The following MMP16 variants were observed in gnomAD, a reference collection of about 807,000 sequenced individuals.
The protein encoded by MMP16 is matrix metalloproteinase-16.
A neutral mutation model predicts 67.8 loss-of-function variants in MMP16; 12 were observed. The observed-to-expected ratio is 0.18, with a 90% CI of 0.11 to 0.29. The LOEUF (loss-of-function observed/expected upper bound fraction) is 0.29, where lower values mean the gene tolerates loss of function less well. MMP16 is among the 10% of genes least tolerant of loss of function. MMP16 has a pLI of 1.00. For missense variants in MMP16, 475 were observed against 765.7 expected (o/e 0.62, Z 4.48); for synonymous variants, 249 against 255.9 (o/e 0.97, Z 0.26).
chr8:88,306,374 A>G (rs997894416), intron 1 of MMP16, among the ~76,000 whole-genome samples: 10 of 152,102 alleles, frequency 6.6e-5, no homozygotes, highest in Non-Finnish European at 1.2e-4. Flanking sequence ...AACTGGTACC[A>G]TTTCTGCTGA....
rs140697599 is a variant in MMP16, at chr8:88,272,928, T to G, written c.132+54147A>C. Among the ~76,000 whole-genome samples the G allele has an allele frequency of 1.4e-3, 209 of 152,274 alleles. 2 individuals are homozygous for G. Among genetic ancestry groups the G allele is most frequent in the African/African-American group, 4.2e-3 (176 of 41,554 alleles). On this transcript the variant is annotated intron_variant, in intron 1 of 9. Transcript: ENST00000286614. ...ATTAAAATTCTATGATTCTGTCATT[T>G]TAGCCAAATCAAAGGAAAGAGAACT...
intron 1 of MMP16, among the ~76,000 whole-genome samples, chr8:88,304,788 C>G (rs1385859331): frequency 6.6e-6 from 1 of 152,172 alleles, no homozygotes; most frequent in Non-Finnish European, 1.5e-5. Context: ...ACAAGAGCTC[C>G]TGAAGGAAGC....
At chr8:88,146,027 T>C (rs1349486025) in intron 4 of MMP16, among the ~76,000 whole-genome samples, 2 of 152,004 alleles carry the variant, frequency 1.3e-5, no homozygotes, top group African/African-American at 2.4e-5. Context: ...ACATTCCTAA[T>C]CATTTTTAAT....
At chr8:88,081,583 T>G (rs1310246400) in intron 6 of MMP16, among the ~76,000 whole-genome samples, 1 of 152,062 alleles carries the variant, frequency 6.6e-6, no homozygotes, top group Non-Finnish European at 1.5e-5. Context: ...GACCCCCATC[T>G]CTAAAAAGAA....
chr8:88,079,635 CATA>C (rs1273110286), intron 6 of MMP16, among the ~76,000 whole-genome samples: 1 of 152,168 alleles, frequency 6.6e-6, no homozygotes, highest in Non-Finnish European at 1.5e-5. Context: ...ACTGAAATTA[CATA>C]ACACTATGCT....
chr8:88,093,105 C>G (rs1808965631), intron 6 of MMP16, among the ~76,000 whole-genome samples: 1 of 151,718 alleles, frequency 6.6e-6, no homozygotes, highest in South Asian at 2.1e-4. Context: ...AGATTTTGGT[C>G]AGGGGGACTT....
At chr8:88,044,548 C>T (rs1398812427) in intron 9 of MMP16, among the ~76,000 whole-genome samples, 1 of 152,092 alleles carries the variant, frequency 6.6e-6, no homozygotes, top group African/African-American at 2.4e-5. Flanking sequence ...TTTTTGTATA[C>T]ATGCTTATGA....
At chr8:88,200,661 A>C (rs1261633423) in intron 1 of MMP16, among the ~76,000 whole-genome samples, 1 of 152,014 alleles carries the variant, frequency 6.6e-6, no homozygotes, top group Non-Finnish European at 1.5e-5. Context: ...ATTATAGTAC[A>C]AATAAGGACA....
intron 4 of MMP16, among the ~76,000 whole-genome samples, chr8:88,128,896 C>A (rs116695408): frequency 1.3e-5 from 2 of 151,828 alleles, no homozygotes; most frequent in African/African-American, 4.8e-5. Flanking sequence ...GGTTCATTTC[C>A]ACCTCCTAAA....
intron 1 of MMP16, among the ~76,000 whole-genome samples, chr8:88,266,842 G>C (rs971921090): frequency 6.6e-6 from 1 of 152,168 alleles, no homozygotes; most frequent in African/African-American, 2.4e-5. Flanking sequence ...CAATCATGCT[G>C]AATCAGTAGC....
At chr8:88,245,018 G>A (rs1810091503) in intron 1 of MMP16, among the ~76,000 whole-genome samples, 1 of 151,966 alleles carries the variant, frequency 6.6e-6, no homozygotes, top group Admixed American at 6.6e-5. Context: ...AGGTGGTTAA[G>A]GCCCAGACTG....
At chr8:88,229,577 A>G (rs1024794001) in intron 1 of MMP16, among the ~76,000 whole-genome samples, 4 of 152,016 alleles carry the variant, frequency 2.6e-5, no homozygotes, top group African/African-American at 9.6e-5. Flanking sequence ...GCAGAAGAAC[A>G]ACAGGGACAA....
intron 1 of MMP16, among the ~76,000 whole-genome samples, chr8:88,243,414 C>T (rs1398406628): frequency 6.6e-6 from 1 of 152,126 alleles, no homozygotes; most frequent in Non-Finnish European, 1.5e-5. Flanking sequence ...TCCTGGTCCC[C>T]ACATCACTGC....
intron 6 of MMP16, among the ~76,000 whole-genome samples, chr8:88,078,276 C>T (rs2118297893): frequency 6.6e-6 from 1 of 152,308 alleles, no homozygotes; most frequent in South Asian, 2.1e-4. Context: ...CAATATTTCA[C>T]TTAAGATACA....
chr8:88,233,905 T>G (rs1160820771), intron 1 of MMP16, among the ~76,000 whole-genome samples: 1 of 152,234 alleles, frequency 6.6e-6, no homozygotes, highest in Non-Finnish European at 1.5e-5. Context: ...GCTCCCAAAG[T>G]GAGCGCCAGA....
At chr8:88,300,542 C>A (rs28986484) in intron 1 of MMP16, among the ~76,000 whole-genome samples, 1 of 152,306 alleles carries the variant, frequency 6.6e-6, no homozygotes, top group Non-Finnish European at 1.5e-5. Flanking sequence ...ACAGTGCTTG[C>A]ATTCAAGAAA....
At chr8:88,322,112 G>A (rs1363323736) in intron 1 of MMP16, among the ~76,000 whole-genome samples, 6 of 151,902 alleles carry the variant, frequency 3.9e-5, no homozygotes, top group Non-Finnish European at 1.5e-5. Context: ...GTTTCTTATT[G>A]AATCCTACCC....
Position 88,240,771 on chromosome 8 carries a change from C to T in MMP16, c.133-43465G>A, listed in dbSNP as rs184219796. ...AAATATCCTCTTATCATTAGTTCCA[C>T]ATCTAGTATCTAAAATTACCTATTC... On this transcript the variant is annotated intron_variant, in intron 1 of 9. Coordinates refer to ENST00000286614, the MANE Select transcript of MMP16 (RefSeq NM_005941.5). 6.7e-4 allele frequency among the ~76,000 whole-genome samples: 102 copies of T among 152,236 alleles called. 1 individual carries two copies. The highest frequency in any genetic ancestry group is 2.1e-3 in the African/African-American group (87 of 41,536).
chr8:88,104,959 T>A (rs1809211891), intron 6 of MMP16, among the ~76,000 whole-genome samples: 1 of 151,578 alleles, frequency 6.6e-6, no homozygotes, highest in Non-Finnish European at 1.5e-5. Flanking sequence ...TTCATTATTT[T>A]AAAAATTATA....
Sources: gnomAD v4.1 joint callset for allele counts (sites outside exome capture counted in the v4.1 genomes callset) on GRCh38, gnomAD v4.1.1 for gene constraint, MANE v1.5 for transcripts, NCBI Gene and HGNC (gene_info 2026-07-23, HGNC 2026-07-21) for gene names.